Variants in DNM3 observed in about 807,000 individuals in gnomAD.
DNM3 encodes the protein dynamin-3.
Under a neutral mutation model 101.6 loss-of-function variants are expected in DNM3, and 47 were observed. That is an observed-to-expected ratio of 0.46 (90% CI 0.37 to 0.59). The LOEUF (loss-of-function observed/expected upper bound fraction) is 0.59. Among genes scored for constraint, DNM3 ranks in the 20% least tolerant of loss-of-function variants. The pLI is 0.00. For synonymous variants in DNM3, 385 were observed against 387.9 expected, an observed-to-expected ratio of 0.99 and a Z score of 0.09; for missense variants, 849 against 1,085.7, an observed-to-expected ratio of 0.78 and a Z score of 3.06.
intron 4 of DNM3, among the ~76,000 whole-genome samples, chr1:171,995,383 G>T (rs1193990426): frequency 6.6e-6 from 1 of 151,724 alleles, no homozygotes; most frequent in African/African-American, 2.4e-5. Flanking sequence ...GGGATTACAG[G>T]TGTGAGCCAC....
intron 17 of DNM3, among the ~76,000 whole-genome samples, chr1:172,361,514 T>C (rs962538556): frequency 1.3e-5 from 2 of 151,978 alleles, no homozygotes; most frequent in Non-Finnish European, 2.9e-5. Flanking sequence ...CTTATATCTC[T>C]TTACTGCAGG....
intron 13 of DNM3, among the ~76,000 whole-genome samples, chr1:172,107,543 G>A (rs868857044): frequency 3.9e-5 from 6 of 152,246 alleles, no homozygotes; most frequent in Middle Eastern, 3.4e-3. Context: ...GCCATTTAAG[G>A]GTTTAGCAAA....
chr1:171,911,347 C>G (rs1414273575), intron 1 of DNM3, among the ~76,000 whole-genome samples: 2 of 131,706 alleles, frequency 1.5e-5, no homozygotes, highest in African/African-American at 2.9e-5. Flanking sequence ...GTGGTGCAAT[C>G]TCGGCTCACT....
chr1:172,394,595 C>T (rs79093075), intron 20 of DNM3, among the ~76,000 whole-genome samples: 1 of 152,158 alleles, frequency 6.6e-6, no homozygotes, highest in Non-Finnish European at 1.5e-5. Flanking sequence ...GCAAATAGCT[C>T]TGTCATTGTT....
intron 14 of DNM3, among the ~76,000 whole-genome samples, chr1:172,191,760 T>A (rs148963054): frequency 0.021 from 3,218 of 152,252 alleles, 98 homozygotes; most frequent in African/African-American, 0.07. Context: ...TCCTAGGTAT[T>A]TTATTCTCTT....
At chr1:171,858,942 T>C (rs1429201346) in intron 1 of DNM3, among the ~76,000 whole-genome samples, 1 of 152,200 alleles carries the variant, frequency 6.6e-6, no homozygotes, top group Non-Finnish European at 1.5e-5. Flanking sequence ...AACAATAGAC[T>C]CATAATACTT....
chr1:171,855,464 G>A (rs774223723), intron 1 of DNM3, among the ~76,000 whole-genome samples: 10 of 152,078 alleles, frequency 6.6e-5, no homozygotes, highest in Non-Finnish European at 1.0e-4. Context: ...ACTCCTTTCC[G>A]CAATGGTTGA....
At chr1:172,238,338 C>T (rs2061618702) in intron 14 of DNM3, among the ~76,000 whole-genome samples, 1 of 152,046 alleles carries the variant, frequency 6.6e-6, no homozygotes, top group South Asian at 2.1e-4. Context: ...AAGCAGCTAC[C>T]CACTGGGATG....
chr1:172,004,151 CTG>C (rs1165125759), intron 4 of DNM3, among the ~76,000 whole-genome samples: 2 of 151,992 alleles, frequency 1.3e-5, no homozygotes. Flanking sequence ...AAAAAAGAAT[CTG>C]TATGTTTTGA....
chr1:172,332,619 T>C (rs989151380), intron 17 of DNM3, among the ~76,000 whole-genome samples: 6 of 152,172 alleles, frequency 3.9e-5, no homozygotes, highest in African/African-American at 1.4e-4. Context: ...AGCTGGGGCT[T>C]TTCTCTTTGT....
intron 4 of DNM3, among the ~76,000 whole-genome samples, chr1:172,022,343 G>C (rs929518910): frequency 5.9e-5 from 9 of 152,176 alleles, no homozygotes; most frequent in African/African-American, 2.2e-4. Context: ...AATCCTTTCT[G>C]ACAGTGGTTT....
At chr1:172,415,888 C>T (rs1232239207), downstream of DNM3, among the ~76,000 whole-genome samples, 1 of 152,108 alleles carries the variant, frequency 6.6e-6, no homozygotes, top group East Asian at 1.9e-4. Flanking sequence ...CCTCAGAGAT[C>T]TGGCCAGAGG....
chr1:172,062,236 A>T (rs2051291375), intron 10 of DNM3, among the ~76,000 whole-genome samples: 1 of 152,142 alleles, frequency 6.6e-6, no homozygotes, highest in African/African-American at 2.4e-5. Flanking sequence ...TTGGGAAGAG[A>T]GAGATAAAAA....
intron 3 of DNM3, 44 bp downstream of exon 3, chr1:171,987,849 T>C (rs752717562): frequency 1.3e-6 from 2 of 1,486,670 alleles, no homozygotes; most frequent in Admixed American, 4.8e-5. Flanking sequence ...CTCAAACATT[T>C]ATACTACATT....
intron 1 of DNM3, among the ~76,000 whole-genome samples, chr1:171,912,273 G>T (rs2039371298): frequency 6.6e-6 from 1 of 152,088 alleles, no homozygotes; most frequent in African/African-American, 2.4e-5. Context: ...TAAAGCGCAG[G>T]TGTATGTAGA....
chr1:172,214,040 C>A (rs146943673), intron 14 of DNM3, among the ~76,000 whole-genome samples: 3 of 152,132 alleles, frequency 2.0e-5, no homozygotes, highest in African/African-American at 7.2e-5. Context: ...TGTGTAACTG[C>A]CAAAGGAATC....
intron 13 of DNM3, among the ~76,000 whole-genome samples, chr1:172,105,689 G>A (rs1033916821): frequency 2.0e-5 from 3 of 152,110 alleles, no homozygotes; most frequent in Non-Finnish European, 2.9e-5. Flanking sequence ...ATTAATATGA[G>A]ATGAAGTCTC....
At chr1:172,090,472 G>A (rs1260330954) in intron 12 of DNM3, among the ~76,000 whole-genome samples, 1 of 152,066 alleles carries the variant, frequency 6.6e-6, no homozygotes, top group Non-Finnish European at 1.5e-5. Flanking sequence ...TACAAGACCT[G>A]AATAATGTAG....
chr1:172,044,709 G>T (rs1555382), intron 9 of DNM3, among the ~76,000 whole-genome samples: 55,950 of 151,968 alleles, frequency 0.37, 10,824 homozygotes, highest in East Asian at 0.69. Context: ...TCGCAGATTA[G>T]CAAGACCCCA....
Sources: allele counts gnomAD v4.1 joint callset (sites outside exome capture counted in the v4.1 genomes callset), GRCh38; gene constraint gnomAD v4.1.1; transcripts MANE v1.5; gene names NCBI Gene and HGNC (gene_info 2026-07-23, HGNC 2026-07-21).